The following ERC2 variants were observed in gnomAD, a reference collection of about 807,000 sequenced individuals.
ERC2 encodes ELKS/RAB6-interacting/CAST family member 2, also known as ERC protein 2.
In ERC2, 42 loss-of-function variants were observed where a neutral mutation model predicts 114.8. The observed-to-expected ratio is 0.37, with a 90% CI of 0.29 to 0.47. The LOEUF (loss-of-function observed/expected upper bound fraction) is 0.47. ERC2 is among the 20% of genes least tolerant of loss of function. The pLI is 0.99. For synonymous variants in ERC2, 454 were observed against 425.5 expected, an observed-to-expected ratio of 1.07 and a Z score of -0.82; for missense variants, 939 against 1,150.7, an observed-to-expected ratio of 0.82 and a Z score of 2.66.
intron 7 of ERC2, among the ~76,000 whole-genome samples, chr3:56,031,794 G>T (rs2074393605): frequency 6.6e-6 from 1 of 151,954 alleles, no homozygotes. Flanking sequence ...ACAAAAACAA[G>T]AAAAAACAAT....
chr3:55,717,646 T>G (rs1189692776), intron 15 of ERC2, among the ~76,000 whole-genome samples: 3 of 152,192 alleles, frequency 2.0e-5, no homozygotes, highest in African/African-American at 7.2e-5. Context: ...CCGTAAGAGA[T>G]CTGAGAAACA....
At chr3:56,440,582 G>A (rs2062251778) in intron 1 of ERC2, among the ~76,000 whole-genome samples, 2 of 151,390 alleles carry the variant, frequency 1.3e-5, no homozygotes, top group African/African-American at 4.9e-5. Flanking sequence ...GCTTGGCAGG[G>A]CATGTTGACT....
chr3:56,117,604 G>A (rs898522650), intron 6 of ERC2, among the ~76,000 whole-genome samples: 7 of 152,188 alleles, frequency 4.6e-5, no homozygotes, highest in African/African-American at 1.7e-4. Flanking sequence ...CTCCCTCAAG[G>A]GGGTGTTGTG....
chr3:55,903,682 A>G (rs985891031), intron 13 of ERC2, among the ~76,000 whole-genome samples: 1 of 152,220 alleles, frequency 6.6e-6, no homozygotes. Context: ...AGGCACCTCT[A>G]TCTGGGCAAT....
At chr3:55,706,372 TTC>T (rs2063487243) in intron 15 of ERC2, among the ~76,000 whole-genome samples, 1 of 102,990 alleles carries the variant, frequency 9.7e-6, no homozygotes, top group Admixed American at 8.6e-5. Context: ...TTTTGTTTGT[TTC>T]TGTTTTTTTT....
At chr3:55,962,019 G>A (rs1249710092) in intron 12 of ERC2, among the ~76,000 whole-genome samples, 1 of 152,118 alleles carries the variant, frequency 6.6e-6, no homozygotes, top group East Asian at 1.9e-4. Context: ...AGGGTGGTAG[G>A]TGATGATGAA....
At chr3:56,398,677 T>C (rs191398780) in intron 2 of ERC2, among the ~76,000 whole-genome samples, 135 of 152,260 alleles carry the variant, frequency 8.9e-4, no homozygotes, top group Middle Eastern at 3.4e-3. Flanking sequence ...CAGGCTGTAG[T>C]GCAGTAGCGG....
chr3:55,533,784 A>C (rs1396999010), intron 17 of ERC2, among the ~76,000 whole-genome samples: 1 of 152,140 alleles, frequency 6.6e-6, no homozygotes, highest in African/African-American at 2.4e-5. Flanking sequence ...ACATGCCCGC[A>C]CTTCACCCAG....
chr3:55,528,856 C>T (rs2053498219), intron 17 of ERC2, among the ~76,000 whole-genome samples: 1 of 152,164 alleles, frequency 6.6e-6, no homozygotes, highest in South Asian at 2.1e-4. Context: ...CGAAAAATGT[C>T]TCCAGACCTT....
intron 6 of ERC2, among the ~76,000 whole-genome samples, chr3:56,120,094 T>C (rs2149854112): frequency 6.6e-6 from 1 of 152,286 alleles, no homozygotes; most frequent in Admixed American, 6.5e-5. Context: ...CTGCACACTA[T>C]TGCAAAATAA....
At position 56,435,099 on chromosome 3, in the gene ERC2, AC is replaced by A; in HGVS notation, c.-93del. On this transcript the variant is annotated 5_prime_UTR_variant, in exon 2 of 18. It removes the in-frame stop codon of an upstream open reading frame in the 5' UTR. Coordinates refer to ENST00000288221, the MANE Select transcript of ERC2 (RefSeq NM_015576.3). ...ATTTCCACGATTGTCCAGAATTTTC[AC>A]CGCATTCTTTTCACAGTCCGTACCA... 1 of 958,536 alleles carries A rather than the reference AC, an allele frequency of 1.0e-6. No homozygotes were observed. The highest frequency in any genetic ancestry group is 1.7e-5 in the South Asian group (1 of 58,158). The allele number at this position is 958,536 out of a possible 1,614,324, so 59.4% of individuals were successfully genotyped here. A position where few individuals can be genotyped will look rare whatever the true frequency, so the allele number is the denominator to read the frequency against.
chr3:55,529,863 C>T (rs2053562747), intron 17 of ERC2, among the ~76,000 whole-genome samples: 1 of 152,212 alleles, frequency 6.6e-6, no homozygotes, highest in East Asian at 1.9e-4. Context: ...TTCAAGTACT[C>T]TGGCCTGGGA....
chr3:56,299,097 T>G (rs1179488610), intron 2 of ERC2, among the ~76,000 whole-genome samples: 7 of 146,944 alleles, frequency 4.8e-5, no homozygotes, highest in East Asian at 2.0e-4. Flanking sequence ...AGGTAGATAG[T>G]TTTTTTTTGT....
chr3:56,025,348 T>A (rs2073973387), intron 7 of ERC2, among the ~76,000 whole-genome samples: 1 of 152,322 alleles, frequency 6.6e-6, no homozygotes, highest in African/African-American at 2.4e-5. Context: ...AGTCTGGGCA[T>A]GGCCTGATTG....
At chr3:55,616,295 C>A (rs1341964029) in intron 17 of ERC2, among the ~76,000 whole-genome samples, 1 of 142,432 alleles carries the variant, frequency 7.0e-6, no homozygotes, top group Non-Finnish European at 1.6e-5. Context: ...AAGTAGCAGC[C>A]ACTTAGGAAA....
chr3:55,591,619 G>T, intron 17 of ERC2, among the ~76,000 whole-genome samples: 1 of 151,576 alleles, frequency 6.6e-6, no homozygotes, highest in Non-Finnish European at 1.5e-5. Context: ...GTGTGGTTTT[G>T]ACCAAAGCAG....
chr3:55,652,410 C>T (rs1310881638), intron 17 of ERC2, among the ~76,000 whole-genome samples: 1 of 152,162 alleles, frequency 6.6e-6, no homozygotes, highest in East Asian at 1.9e-4. Flanking sequence ...TAAAGGTGGA[C>T]ATTTACAGAC....
At chr3:56,215,002 T>G (rs1012982757) in intron 3 of ERC2, among the ~76,000 whole-genome samples, 3 of 151,928 alleles carry the variant, frequency 2.0e-5, no homozygotes, top group Non-Finnish European at 4.4e-5. Flanking sequence ...GCACTAAACA[T>G]GGAAAGGAAC....
At chr3:56,439,091 C>T (rs7616328) in intron 1 of ERC2, among the ~76,000 whole-genome samples, 5,854 of 152,202 alleles carry the variant, frequency 0.038, 266 homozygotes, top group African/African-American at 0.11. Flanking sequence ...TGTTCTGGAA[C>T]AGTTAGCATA....
Sources: allele counts gnomAD v4.1 joint callset (sites outside exome capture counted in the v4.1 genomes callset), GRCh38; gene constraint gnomAD v4.1.1; transcripts MANE v1.5; gene names NCBI Gene and HGNC (gene_info 2026-07-23, HGNC 2026-07-21).